Variants in PTPRQ observed in about 807,000 individuals in gnomAD.
PTPRQ encodes protein tyrosine phosphatase receptor type Q, also known as phosphatidylinositol phosphatase PTPRQ.
Under a neutral mutation model 246.0 loss-of-function variants are expected in PTPRQ, and 199 were observed. The observed-to-expected ratio is 0.81, with a 90% CI of 0.72 to 0.91. The LOEUF is 0.91. PTPRQ is among the 40% of genes least tolerant of loss of function. PTPRQ has a pLI of 0.00. For synonymous variants in PTPRQ, 869 were observed against 853.2 expected (o/e 1.02, Z -0.32); for missense variants, 2,624 against 2,528.4 (o/e 1.04, Z -0.81).
intron 39 of PTPRQ, among the ~76,000 whole-genome samples, chr12:80,667,650 A>G (rs921062843): frequency 1.3e-5 from 2 of 151,956 alleles, no homozygotes; most frequent in Non-Finnish European, 2.9e-5. Flanking sequence ...ACAAATATTG[A>G]TTCAGTGGAG....
At chr12:80,449,380 T>C (rs1218571948) in intron 3 of PTPRQ, among the ~76,000 whole-genome samples, 1 of 152,234 alleles carries the variant, frequency 6.6e-6, no homozygotes, top group African/African-American at 2.4e-5. Context: ...TTTAGTTTAA[T>C]GAGATCCCAT....
chr12:80,677,779 G>C (rs1350137960), intron 43 of PTPRQ, among the ~76,000 whole-genome samples: 2 of 152,104 alleles, frequency 1.3e-5, no homozygotes, highest in African/African-American at 4.8e-5. Context: ...GATCACTTTT[G>C]AGAATGTTCT....
intron 35 of PTPRQ, among the ~76,000 whole-genome samples, chr12:80,645,886 G>A (rs1432181594): frequency 1.3e-5 from 2 of 151,992 alleles, no homozygotes; most frequent in African/African-American, 4.8e-5. Context: ...TCAGAAATGT[G>A]GGCATGGTTA....
chr12:80,466,661 A>G (rs542409921), intron 6 of PTPRQ, among the ~76,000 whole-genome samples: 2 of 152,336 alleles, frequency 1.3e-5, no homozygotes, highest in African/African-American at 4.8e-5. Context: ...AAACAGAGAT[A>G]TAGATCAGTG....
chr12:80,559,134 T>G (rs1009210620), intron 25 of PTPRQ, among the ~76,000 whole-genome samples: 1 of 152,186 alleles, frequency 6.6e-6, no homozygotes, highest in Non-Finnish European at 1.5e-5. Context: ...AACCTCCGCC[T>G]CCCGGGTTCA....
At chr12:80,570,081 C>A (rs1452133697) in intron 25 of PTPRQ, among the ~76,000 whole-genome samples, 1 of 152,080 alleles carries the variant, frequency 6.6e-6, no homozygotes, top group South Asian at 2.1e-4. Context: ...GATTTATAAT[C>A]CTTTGGGTAT....
intron 38 of PTPRQ, among the ~76,000 whole-genome samples, chr12:80,654,691 TCC>T (rs201076832): frequency 0.057 from 5,442 of 95,078 alleles, 387 homozygotes; most frequent in African/African-American, 0.2. Context: ...GTACTAAAAA[TCC>T]AAAAAAAAAA....
Position 80,480,476 on chromosome 12 carries a change from G to A in PTPRQ, c.1187-3957G>A, listed in dbSNP as rs928592304. Among the ~76,000 whole-genome samples, 3 of 149,146 alleles carry A rather than the reference G, an allele frequency of 2.0e-5. No individual in the cohort carries two copies. In the South Asian group the frequency reaches 6.5e-4, roughly 32 times the overall value. ...ACAATTAAAAGAACTAGAAAAGCAAGAGCAAACACATTCAAAAGCTAGCAG... is the reference window on the plus strand; with the variant it reads ...ACAATTAAAAGAACTAGAAAAGCAAAAGCAAACACATTCAAAAGCTAGCAG... On this transcript the variant is annotated intron_variant, in intron 8 of 44. Transcript: ENST00000644991.
At chr12:80,488,949 G>C (rs1894364658) in intron 9 of PTPRQ, among the ~76,000 whole-genome samples, 1 of 151,920 alleles carries the variant, frequency 6.6e-6, no homozygotes, top group South Asian at 2.1e-4. Flanking sequence ...ATATGTATCT[G>C]ATCTATAACA....
chr12:80,499,516 C>T (rs1017000590), intron 14 of PTPRQ, among the ~76,000 whole-genome samples: 1 of 151,470 alleles, frequency 6.6e-6, no homozygotes, highest in African/African-American at 2.4e-5. Flanking sequence ...GGTTTAGGCC[C>T]AAAATAATCT....
intron 36 of PTPRQ, 51 bp downstream of exon 36, chr12:80,648,974 G>T: frequency 6.8e-7 from 1 of 1,472,336 alleles, no homozygotes; most frequent in Non-Finnish European, 9.0e-7. Context: ...AAAGTTAGAT[G>T]CACTGACTCA....
intron 35 of PTPRQ, among the ~76,000 whole-genome samples, chr12:80,647,345 A>T (rs898448339): frequency 6.6e-6 from 1 of 152,320 alleles, no homozygotes; most frequent in South Asian, 2.1e-4. Context: ...TAATCAAAGC[A>T]TCTCAGTCAT....
chr12:80,616,249 T>G lies in PTPRQ; in HGVS notation c.5213T>G (p.Ile1738Arg). The G allele has an allele frequency of 1.3e-6, 2 of 1,491,776 alleles. No individual in the cohort carries two copies. Among genetic ancestry groups the G allele is most frequent in the Non-Finnish European group, 1.8e-6 (2 of 1,118,856 alleles). The allele number at this position is 1,491,776 out of a possible 1,614,324, so 92.4% of individuals were successfully genotyped here. The change falls in exon 30 of 45, where the codon ATA (isoleucine) becomes AGA (arginine). Residue 1738 changes from isoleucine to arginine, a missense_variant. By Grantham distance (97) the Ile-to-Arg change is moderately conservative. Transcript: ENST00000644991. Reference protein sequence around the residue: ...AGAGPKVPMRITMDIKAPARP... With the variant: ...AGAGPKVPMRRTMDIKAPARP... Reference sequence around the variant, plus strand: ...GCAGGTCCAAAGGTTCCGATGAGAATAACCATGGATATCAAAGGTACATAC... The same window carrying G: ...GCAGGTCCAAAGGTTCCGATGAGAAGAACCATGGATATCAAAGGTACATAC...
At chr12:80,586,282 G>A (rs1043684630) in intron 25 of PTPRQ, among the ~76,000 whole-genome samples, 4 of 151,260 alleles carry the variant, frequency 2.6e-5, no homozygotes, top group African/African-American at 9.7e-5. Context: ...GCAGCCAAAA[G>A]ACACATGAAA....
intron 17 of PTPRQ, chr12:80,525,961 CAA>C (rs1416670196): frequency 1.3e-5 from 2 of 152,128 alleles, no homozygotes; most frequent in African/African-American, 4.8e-5. Context: ...TACTTTATCA[CAA>C]GTCACTAGCT....
intron 34 of PTPRQ, 185 bp from the exon 35 acceptor site, chr12:80,634,760 A>G (rs950390048): frequency 1.5e-5 from 12 of 806,778 alleles, no homozygotes; most frequent in Non-Finnish European, 2.1e-5. Context: ...AGAAAGTAGA[A>G]TAGGTTCTAT....
intron 17 of PTPRQ, among the ~76,000 whole-genome samples, chr12:80,532,403 T>C (rs1331025145): frequency 6.6e-6 from 1 of 151,998 alleles, no homozygotes; most frequent in African/African-American, 2.4e-5. Flanking sequence ...TTATTTTTAG[T>C]GGAGACAGGG....
chr12:80,630,126 AT>A (rs538038014), intron 33 of PTPRQ, among the ~76,000 whole-genome samples: 11 of 152,130 alleles, frequency 7.2e-5, no homozygotes, highest in Middle Eastern at 3.4e-3. Flanking sequence ...TCAGTCTTTG[AT>A]TTTTTTCTTT....
At chr12:80,598,699 A>C (rs1040667910) in intron 26 of PTPRQ, among the ~76,000 whole-genome samples, 4 of 151,928 alleles carry the variant, frequency 2.6e-5, no homozygotes, top group African/African-American at 9.7e-5. Context: ...TGAAACTAAA[A>C]CACCCTGAGT....
Sources: gnomAD v4.1 joint callset for allele counts (sites outside exome capture counted in the v4.1 genomes callset) on GRCh38, gnomAD v4.1.1 for gene constraint, MANE v1.5 for transcripts, NCBI Gene and HGNC (gene_info 2026-07-23, HGNC 2026-07-21) for gene names.